RSBN1: variants seen among roughly 807,000 people sequenced by gnomAD.
RSBN1 encodes the protein round spermatid basic protein 1.
Under a neutral mutation model 74.8 loss-of-function variants are expected in RSBN1, and 23 were observed. The ratio of observed to expected loss-of-function variants is 0.31; its 90% CI spans 0.22 to 0.44. The LOEUF is 0.44. Ranked by LOEUF, RSBN1 falls within the 20% of genes least tolerant of loss-of-function variation. RSBN1 has a pLI of 1.00. For synonymous variants in RSBN1, 407 were observed against 379.6 expected (o/e 1.07, Z -0.84); for missense variants, 808 against 1,020.9 (o/e 0.79, Z 2.84).
At position 113,812,380 on chromosome 1, in the gene RSBN1, C is replaced by G. The variant is rs1660895222; in HGVS notation, c.33G>C (p.Lys11Asn). The change falls in exon 1 of 7, where the codon AAG becomes AAC. Residue 11 changes from lysine to asparagine, a missense_variant. Around this residue, in one of 6 missense-constraint regions of RSBN1, gnomAD observed 464 missense variants for 401.0 expected, o/e 1.16. Transcript: ENST00000261441. MFISGRRTAD[K>N]WRAEERLQCP... ...ATTGGAGTCTCTCCTCCGCCCTCCA[C>G]TTGTCGGCCGTTCTTCGTCCAGAGA... 4 of 1,601,982 alleles carry G rather than the reference C, an allele frequency of 2.5e-6. No homozygotes were observed. The highest frequency in any genetic ancestry group is 1.3e-5 in the African/African-American group (1 of 74,908).
rs1454673441 is a variant in RSBN1, at chr1:113,763,829, T to C, written c.*2151A>G. The C allele has an allele frequency of 6.6e-6, 1 of 152,624 alleles. No individual in the cohort carries two copies. Among genetic ancestry groups the C allele is most frequent in the Non-Finnish European group, 1.5e-5 (1 of 68,008 alleles). The allele number at this position is 152,624 out of a possible 1,614,324, so 9.5% of individuals were successfully genotyped here. ...GAGTGATAATACACAGTGCTGGCTG[T>C]CAGGAGACAGTCTCCTTGTTTATTA... On this transcript the variant is annotated 3_prime_UTR_variant, in exon 7 of 7. Transcript: ENST00000261441.
intron 1 of RSBN1, among the ~76,000 whole-genome samples, chr1:113,801,317 T>C (rs1660580495): frequency 6.6e-6 from 1 of 152,184 alleles, no homozygotes; most frequent in African/African-American, 2.4e-5. Context: ...TAGGGTAAGA[T>C]ACAGAAAGCT....
Position 113,812,413 on chromosome 1 carries a change from G to A in RSBN1, c.-1C>T, listed in dbSNP as rs375726572. On this transcript the variant is annotated 5_prime_UTR_variant, in exon 1 of 7. Transcript: ENST00000261441. ...CCGTTCTTCGTCCAGAGATGAACAT[G>A]CCGGAAGCGGCCGTTCCCAGCTTTT... 3 of 1,587,996 alleles carry A rather than the reference G, an allele frequency of 1.9e-6. No homozygotes were observed. Among genetic ancestry groups the A allele is most frequent in the African/African-American group, 1.3e-5 (1 of 74,732 alleles).
At chr1:113,806,438 A>G (rs1378971874) in intron 1 of RSBN1, among the ~76,000 whole-genome samples, 1 of 152,178 alleles carries the variant, frequency 6.6e-6, no homozygotes, top group Non-Finnish European at 1.5e-5. Context: ...AAGGTGCTAG[A>G]GCAACTGGAT....
intron 1 of RSBN1, 43 bp from the exon 2 acceptor site, chr1:113,798,079 G>T: frequency 6.6e-7 from 1 of 1,514,472 alleles, no homozygotes; most frequent in South Asian, 1.3e-5. Flanking sequence ...TAGGACTAGT[G>T]TCAACATACA....
intron 2 of RSBN1, among the ~76,000 whole-genome samples, 159 bp from the exon 3 acceptor site, chr1:113,777,967 C>A (rs1294911102): frequency 6.6e-6 from 1 of 152,218 alleles, no homozygotes; most frequent in Admixed American, 6.5e-5. Flanking sequence ...CCCAAGCACA[C>A]TGACAAATAC....
At position 113,768,332 on chromosome 1, in the gene RSBN1, T is replaced by C. The variant is rs142243151; in HGVS notation, c.1716A>G (p.Glu572=). ...QYLPRTSEPR[E]VLFEDRTRAH... ...CTCTAGTCCTATCTTCAAAGAGAAC[T>C]TCGCGGGGTTCACTGGTCCGAGGTA... Residue 572 remains glutamate, a synonymous_variant, in exon 5 of 7, where the codon GAA becomes GAG. Transcript: ENST00000261441. The C allele has an allele frequency of 1.7e-5, 27 of 1,612,958 alleles. No homozygotes were observed. The African/African-American group carries it at 2.9e-4, about 18-fold the overall frequency.
At chr1:113,800,914 A>G (rs1243642386) in intron 1 of RSBN1, among the ~76,000 whole-genome samples, 1 of 152,120 alleles carries the variant, frequency 6.6e-6, no homozygotes, top group African/African-American at 2.4e-5. Flanking sequence ...TAATCTCATA[A>G]ATCAACATGA....
chr1:113,806,297 T>C (rs1055091996), intron 1 of RSBN1, among the ~76,000 whole-genome samples: 14 of 149,340 alleles, frequency 9.4e-5, no homozygotes, highest in Non-Finnish European at 2.1e-4. Context: ...ATCACACCAC[T>C]GCACTCCAGC....
At chr1:113,766,540 CAA>C in intron 6 of RSBN1, 87 bp from the exon 7 acceptor site, 2 of 811,780 alleles carry the variant, frequency 2.5e-6, no homozygotes, top group Non-Finnish European at 3.9e-6. Flanking sequence ...ACAGTAGAAA[CAA>C]AATGTGTCAT....
At chr1:113,786,016 G>C (rs563330371) in intron 2 of RSBN1, among the ~76,000 whole-genome samples, 1 of 152,326 alleles carries the variant, frequency 6.6e-6, no homozygotes, top group South Asian at 2.1e-4. Context: ...AAAGTAAAGA[G>C]ATCAGCTAGG....
intron 2 of RSBN1, among the ~76,000 whole-genome samples, chr1:113,791,545 C>T (rs1283015347): frequency 1.3e-5 from 2 of 152,088 alleles, no homozygotes; most frequent in Non-Finnish European, 2.9e-5. Flanking sequence ...ACAGAACTCA[C>T]GTTTCAGGAA....
At position 113,767,126 on chromosome 1, in the gene RSBN1, T is replaced by C; in HGVS notation, c.1908A>G (p.Leu636=). The C allele has an allele frequency of 6.2e-7, 1 of 1,608,032 alleles. No homozygotes were observed. The highest frequency in any genetic ancestry group is 8.5e-7 in the Non-Finnish European group (1 of 1,175,984). ...DFTDVVQRLQ[L]DLHEPPVSQC... ...GGGAAACTGGAGGTTCATGAAGATCTAACTGAAGTCTTTGTACAACATCAG... is the reference window on the plus strand; with the variant it reads ...GGGAAACTGGAGGTTCATGAAGATCCAACTGAAGTCTTTGTACAACATCAG... Residue 636 remains leucine (L), a synonymous_variant, in exon 6 of 7, where the codon TTA becomes TTG. Coordinates refer to ENST00000261441, the MANE Select transcript of RSBN1 (RefSeq NM_018364.5).
At position 113,812,319 on chromosome 1, in the gene RSBN1, A is replaced by G; in HGVS notation, c.94T>C (p.Cys32Arg). The G allele has an allele frequency of 6.2e-7, 1 of 1,604,118 alleles. No individual in the cohort carries two copies. Among genetic ancestry groups the G allele is most frequent in the Middle Eastern group, 1.6e-4 (1 of 6,062 alleles). Residue 32 changes from cysteine (C) to arginine (R), a missense_variant, in exon 1 of 7, where the codon TGC becomes CGC. Cys to Arg is a radical substitution (Grantham distance 180). This residue lies in a region of RSBN1 where 464 missense variants were observed against 401.0 expected (regional missense o/e 1.16). Coordinates refer to ENST00000261441, the MANE Select transcript of RSBN1 (RefSeq NM_018364.5). ...AGSARAALAR[C>R]ADGGAVGPFK... ...GGCCCGACCGCCCCCCCGTCCGCGC[A>G]TCGCGCAAGCGCCGCCCGCGCACTG... is the stretch of plus-strand genomic sequence containing the variant.
At position 113,777,378 on chromosome 1, in the gene RSBN1, T is replaced by C. The variant is rs779958676; in HGVS notation, c.1516-26A>G. 5 of 1,582,442 alleles carry C rather than the reference T, an allele frequency of 3.2e-6. No individual in the cohort carries two copies. The African/African-American group carries it at 6.8e-5, about 21-fold the overall frequency. ...CTAGAAATCAGACGGATTAGTCACA[T>C]TAAAAAATTGTTTCAATGATTTATA... On this transcript the variant is annotated intron_variant, in intron 3 of 6. Coordinates refer to ENST00000261441, the MANE Select transcript of RSBN1 (RefSeq NM_018364.5).
In RSBN1 at chr1:113,810,738, T is replaced by C. The variant is rs570830799; in HGVS notation, c.703+972A>G. On this transcript the variant is annotated intron_variant, in intron 1 of 6. Transcript: ENST00000261441. ...TGTAATAACCTAACTGGTCCAGTAC[T>C]AAGAAACAAGTATTTCAAATATTCC... 2.6e-5 allele frequency among the ~76,000 whole-genome samples: 4 copies of C among 152,270 alleles called. No individual in the cohort carries two copies. In the East Asian group the frequency reaches 7.7e-4, roughly 29 times the overall value.
intron 1 of RSBN1, among the ~76,000 whole-genome samples, chr1:113,799,912 A>G (rs761689804): frequency 2.0e-5 from 3 of 152,192 alleles, no homozygotes; most frequent in Non-Finnish European, 4.4e-5. Flanking sequence ...TATTTACTGC[A>G]TAGAATTTAC....
intron 2 of RSBN1, among the ~76,000 whole-genome samples, chr1:113,795,600 T>G (rs1018963923): frequency 6.6e-6 from 1 of 152,334 alleles, no homozygotes; most frequent in African/African-American, 2.4e-5. Flanking sequence ...CTCAATATTC[T>G]TATGTGGTTG....
intron 1 of RSBN1, among the ~76,000 whole-genome samples, chr1:113,800,158 A>G (rs927188234): frequency 2.6e-5 from 4 of 152,208 alleles, no homozygotes; most frequent in Non-Finnish European, 5.9e-5. Flanking sequence ...TTAAAAAAGC[A>G]AGTCAAAGAC....
Sources: gnomAD v4.1 joint callset for allele counts (sites outside exome capture counted in the v4.1 genomes callset) on GRCh38, gnomAD v4.1.1 for gene constraint, gnomAD v4.1.1 regional missense constraint, MANE v1.5 for transcripts, NCBI Gene and HGNC (gene_info 2026-07-23, HGNC 2026-07-21) for gene names.